Variants in MTMR14 observed in about 807,000 individuals in gnomAD.
The protein encoded by MTMR14 is myotubularin related protein 14, also known as phosphatidylinositol-3,5-bisphosphate 3-phosphatase MTMR14.
Under a neutral mutation model 86.3 loss-of-function variants are expected in MTMR14, and 48 were observed. The observed-to-expected ratio is 0.56, with a 90% CI of 0.44 to 0.71. MTMR14 has a LOEUF of 0.71. Among genes scored for constraint, MTMR14 ranks in the 30% least tolerant of loss-of-function variants. MTMR14 has a pLI of 0.00. For synonymous variants in MTMR14, 366 were observed against 326.1 expected (o/e 1.12, Z -1.32); for missense variants, 780 against 834.6 (o/e 0.93, Z 0.81).
intron 1 of MTMR14, among the ~76,000 whole-genome samples, chr3:9,653,088 A>C (rs1389072638): frequency 2.0e-5 from 3 of 152,180 alleles, no homozygotes; most frequent in Non-Finnish European, 4.4e-5. Flanking sequence ...AAATAGAAAA[A>C]TTAGTCAGGC....
At chr3:9,679,994 C>G (rs2075706846) in intron 9 of MTMR14, among the ~76,000 whole-genome samples, 1 of 152,152 alleles carries the variant, frequency 6.6e-6, no homozygotes, top group South Asian at 2.1e-4. Flanking sequence ...CCGCAAAGCC[C>G]TGGGGTGCCG....
chr3:9,683,426 C>A, intron 10 of MTMR14, 182 bp downstream of exon 10: 1 of 628,626 alleles, frequency 1.6e-6, no homozygotes, highest in Non-Finnish European at 2.9e-6. Flanking sequence ...GGCTTTATTC[C>A]ATGTCCTCAA....
intron 1 of MTMR14, 60 bp downstream of exon 1, chr3:9,649,802 A>T (rs1009901461): frequency 3.7e-6 from 6 of 1,602,514 alleles, no homozygotes; most frequent in Non-Finnish European, 5.1e-6. Flanking sequence ...TACAGAGGAA[A>T]GGCTGAGGCC....
chr3:9,685,080 G>A, intron 12 of MTMR14, 116 bp downstream of exon 12: 1 of 1,485,196 alleles, frequency 6.7e-7, no homozygotes, highest in Admixed American at 1.7e-5. Context: ...CCTCGAGAAG[G>A]ACCGAAGCTG....
At position 9,677,208 on chromosome 3, in the gene MTMR14, G is replaced by A. The variant is rs946050217; in HGVS notation, c.752-109G>A. The A allele has an allele frequency of 3.2e-6, 3 of 938,432 alleles. No homozygotes were observed. The African/African-American group carries it at 4.9e-5, about 15-fold the overall frequency. 58.1% of individuals were successfully genotyped at this position (938,432 alleles called of 1,614,324 possible). ...AAGCCACTAGCTTGGAGAAGTGTGA[G>A]TTGGCGGCCCCCTCTCCACAGCACT... On this transcript the variant is annotated intron_variant, in intron 7 of 18. Coordinates refer to ENST00000296003, the MANE Select transcript of MTMR14 (RefSeq NM_001077525.3). The surrounding 1 kb of genome is among the most constrained non-coding windows in gnomAD (Gnocchi z 4.2).
Position 9,689,087 on chromosome 3 carries a change from G to A in MTMR14, c.1433+5G>A, listed in dbSNP as rs1429645119. On this transcript the variant is annotated splice_donor_5th_base_variant and intron_variant, in intron 16 of 18. Transcript: ENST00000296003. ...AGCGCCAACTCAGGCAGCTTGGTAA[G>A]GGGCCAGACTTGGACCAAGGTCACT... The A allele has an allele frequency of 4.3e-6, 7 of 1,609,696 alleles. No homozygotes were observed. The highest frequency in any genetic ancestry group is 5.1e-6 in the Non-Finnish European group (6 of 1,180,010).
chr3:9,651,546 TCTC>T (rs1195125384), intron 1 of MTMR14, among the ~76,000 whole-genome samples: 2 of 152,178 alleles, frequency 1.3e-5, no homozygotes, highest in South Asian at 2.1e-4. Flanking sequence ...GGCCTTCTGA[TCTC>T]CTGCAAACTT....
At chr3:9,663,792 C>T (rs376892905) in intron 3 of MTMR14, among the ~76,000 whole-genome samples, 35 of 150,934 alleles carry the variant, frequency 2.3e-4, no homozygotes, top group African/African-American at 5.6e-4. Context: ...GGATTACAGG[C>T]GTGAGCCACC....
intron 7 of MTMR14, 66 bp downstream of exon 7, chr3:9,672,824 C>A: frequency 6.8e-7 from 1 of 1,464,590 alleles, no homozygotes; most frequent in Non-Finnish European, 9.6e-7. Flanking sequence ...TGAGCAAGCC[C>A]TCTCTACTTA....
At chr3:9,654,591 C>T (rs1250726520) in intron 2 of MTMR14, among the ~76,000 whole-genome samples, 1 of 152,178 alleles carries the variant, frequency 6.6e-6, no homozygotes, top group Admixed American at 6.5e-5. Flanking sequence ...GTTTGCTCTC[C>T]TAATCTCCCT....
At position 9,688,919 on chromosome 3, in the gene MTMR14, G is replaced by A. The variant is rs2076051376; in HGVS notation, c.1295-25G>A. ...CAGTAGTGGGAGAAGGTAACACGCT[G>A]ACTGATGGCACTGGCTTCTTTTAGG... is the stretch of plus-strand genomic sequence containing the variant. On this transcript the variant is annotated intron_variant, in intron 15 of 18. Coordinates refer to ENST00000296003, the MANE Select transcript of MTMR14 (RefSeq NM_001077525.3). The A allele has an allele frequency of 2.5e-6, 4 of 1,613,768 alleles. No homozygotes were observed. In the East Asian group the frequency reaches 6.7e-5, roughly 27 times the overall value.
intron 17 of MTMR14, among the ~76,000 whole-genome samples, chr3:9,690,809 T>G (rs1047168171): frequency 6.6e-6 from 1 of 152,184 alleles, no homozygotes; most frequent in African/African-American, 2.4e-5. Flanking sequence ...TTCTAAAGTT[T>G]TGAGAATGTC....
intron 18 of MTMR14, among the ~76,000 whole-genome samples, chr3:9,698,943 C>T (rs2076367347): frequency 1.3e-5 from 2 of 151,910 alleles, no homozygotes; most frequent in African/African-American, 4.8e-5. Flanking sequence ...CCGAGGCGGG[C>T]GGATCACCTA....
At chr3:9,672,589 A>G in intron 6 of MTMR14, 96 bp from the exon 7 acceptor site, 1 of 1,009,880 alleles carries the variant, frequency 9.9e-7, no homozygotes, top group Admixed American at 1.7e-5. Context: ...TTTTTTTAGC[A>G]GAAGCTTCAT....
At position 9,677,416 on chromosome 3, in the gene MTMR14, A is replaced by T; in HGVS notation, c.822+29A>T. 1 of 1,597,354 alleles carries T rather than the reference A, an allele frequency of 6.3e-7. No homozygotes were observed. Among genetic ancestry groups the T allele is most frequent in the Non-Finnish European group, 8.6e-7 (1 of 1,164,820 alleles). The stretch of plus-strand genomic sequence containing the variant: ...TGAGCAATAACATACATCAAATTGG[A>T]TCTATGTCTCTTTGTAAAGGGAGGC... On this transcript the variant is annotated intron_variant, in intron 8 of 18. Transcript: ENST00000296003. The surrounding 1 kb of genome is among the most constrained non-coding windows in gnomAD (Gnocchi z 4.2).
At chr3:9,664,148 C>G (rs2048113877) in intron 3 of MTMR14, among the ~76,000 whole-genome samples, 4 of 151,676 alleles carry the variant, frequency 2.6e-5, no homozygotes, top group Non-Finnish European at 5.9e-5. Flanking sequence ...TTAGAGGTTG[C>G]ACGGGAGATA....
At chr3:9,672,637 TTG>T (rs763877609) in intron 6 of MTMR14, 46 bp from the exon 7 acceptor site, 68 of 1,457,274 alleles carry the variant, frequency 4.7e-5, no homozygotes, top group African/African-American at 1.9e-4. Context: ...TGGTGTGTGT[TTG>T]TGTGTGTGTT....
chr3:9,661,447 T>C (rs1370348659), intron 2 of MTMR14, among the ~76,000 whole-genome samples: 3 of 152,174 alleles, frequency 2.0e-5, no homozygotes, highest in Non-Finnish European at 4.4e-5. Context: ...ACGGTAATGC[T>C]CACTTGCCTG....
At chr3:9,700,121 T>C (rs544810523) in intron 18 of MTMR14, 1 of 152,350 alleles carries the variant, frequency 6.6e-6, no homozygotes, top group Admixed American at 6.5e-5. Flanking sequence ...CCCCCATACT[T>C]ACCTCAGGAC....
Sources: gnomAD v4.1 joint callset for allele counts (sites outside exome capture counted in the v4.1 genomes callset) on GRCh38, gnomAD v4.1.1 for gene constraint, Gnocchi (gnomAD v3.1) non-coding constraint, MANE v1.5 for transcripts, NCBI Gene and HGNC (gene_info 2026-07-23, HGNC 2026-07-21) for gene names.